COL25A1: variants seen among roughly 807,000 people sequenced by gnomAD.
COL25A1 encodes collagen alpha-1(XXV) chain.
A neutral mutation model predicts 128.4 loss-of-function variants in COL25A1; 103 were observed. The ratio of observed to expected loss-of-function variants is 0.80; its 90% CI spans 0.68 to 0.94. The LOEUF is 0.94. Ranked by LOEUF, COL25A1 falls within the 40% of genes least tolerant of loss-of-function variation. The probability of loss-of-function intolerance (pLI) is 0.00; values close to 1 mark genes in which losing one functional copy is unlikely to be tolerated. For missense variants in COL25A1, 745 were observed against 840.0 expected (o/e 0.89, Z 1.40); for synonymous variants, 279 against 277.2 (o/e 1.01, Z -0.06).
chr4:109,074,485 T>G (rs1763234994), intron 3 of COL25A1, among the ~76,000 whole-genome samples: 1 of 152,228 alleles, frequency 6.6e-6, no homozygotes, highest in African/African-American at 2.4e-5. Context: ...GAAAATGAAA[T>G]GTACAACATT....
At chr4:109,124,758 T>C (rs1768425939) in intron 3 of COL25A1, among the ~76,000 whole-genome samples, 1 of 151,958 alleles carries the variant, frequency 6.6e-6, no homozygotes, top group Admixed American at 6.6e-5. Flanking sequence ...AAACAAAGAA[T>C]TATATAGCCA....
chr4:108,973,199 T>C (rs899746448), intron 8 of COL25A1, among the ~76,000 whole-genome samples: 2 of 152,200 alleles, frequency 1.3e-5, no homozygotes, highest in African/African-American at 4.8e-5. Flanking sequence ...CTTAAGGTTA[T>C]GAGAGTCTTA....
At chr4:109,191,498 C>T (rs1307766583) in intron 3 of COL25A1, among the ~76,000 whole-genome samples, 2 of 152,190 alleles carry the variant, frequency 1.3e-5, no homozygotes, top group Non-Finnish European at 1.5e-5. Context: ...TTTCCAGCCA[C>T]GTTCCCTGAA....
intron 5 of COL25A1, among the ~76,000 whole-genome samples, chr4:109,032,858 G>A (rs953377978): frequency 6.6e-6 from 1 of 152,228 alleles, no homozygotes; most frequent in Non-Finnish European, 1.5e-5. Context: ...CATGCTCGGA[G>A]TCTACTGGGG....
chr4:108,884,543 T>C (rs1560803112), intron 18 of COL25A1, among the ~76,000 whole-genome samples: 1 of 152,154 alleles, frequency 6.6e-6, no homozygotes, highest in Non-Finnish European at 1.5e-5. Context: ...AATGATTCGG[T>C]GGGGAGGCTG....
intron 5 of COL25A1, among the ~76,000 whole-genome samples, chr4:109,012,610 TTAGCACCTGGGCCAGCAGC>T (rs758662377): frequency 5.3e-5 from 8 of 152,118 alleles, no homozygotes; most frequent in Non-Finnish European, 1.0e-4. Flanking sequence ...AGTAAGGGGC[TTAGCACCTGGGCCAGCAGC>T]TGCAGAGGGG....
chr4:109,215,366 CA>C (rs1318014925), intron 3 of COL25A1, among the ~76,000 whole-genome samples: 14 of 152,086 alleles, frequency 9.2e-5, no homozygotes, highest in Non-Finnish European at 1.2e-4. Context: ...ATGTAGCTCA[CA>C]ACAATATTTT....
intron 11 of COL25A1, among the ~76,000 whole-genome samples, chr4:108,936,503 G>A (rs903433373): frequency 2.0e-5 from 3 of 152,116 alleles, no homozygotes; most frequent in African/African-American, 7.2e-5. Context: ...GGAGGTGGTG[G>A]TTGCAGTGAG....
intron 6 of COL25A1, among the ~76,000 whole-genome samples, chr4:109,006,626 T>C (rs1269585608): frequency 6.6e-6 from 1 of 152,156 alleles, no homozygotes; most frequent in African/African-American, 2.4e-5. Context: ...ATGTACAGTT[T>C]ATGCAAATTT....
chr4:109,271,820 T>A (rs1782216789), intron 3 of COL25A1, among the ~76,000 whole-genome samples: 1 of 152,194 alleles, frequency 6.6e-6, no homozygotes, highest in Non-Finnish European at 1.5e-5. Context: ...CACACTAAAC[T>A]TTTTCAAAGA....
At chr4:108,920,099 G>A (rs370436561) in intron 12 of COL25A1, among the ~76,000 whole-genome samples, 41 of 152,162 alleles carry the variant, frequency 2.7e-4, no homozygotes, top group African/African-American at 9.4e-4. Flanking sequence ...TGATGATTGC[G>A]GATAACAATG....
chr4:109,041,334 T>C (rs1759873284), intron 5 of COL25A1, among the ~76,000 whole-genome samples: 1 of 151,884 alleles, frequency 6.6e-6, no homozygotes, highest in Non-Finnish European at 1.5e-5. Flanking sequence ...TTTTCTCTTT[T>C]TACAGACCAC....
intron 3 of COL25A1, among the ~76,000 whole-genome samples, chr4:109,263,401 A>C (rs369200000): frequency 2.6e-4 from 39 of 152,210 alleles, no homozygotes; most frequent in African/African-American, 8.2e-4. Flanking sequence ...TTAGAAAATA[A>C]GAGTTATATG....
At chr4:109,132,657 C>T (rs1769333664) in intron 3 of COL25A1, among the ~76,000 whole-genome samples, 1 of 152,052 alleles carries the variant, frequency 6.6e-6, no homozygotes, top group African/African-American at 2.4e-5. Context: ...TGAGCTTTGA[C>T]ATATTGGAAT....
At chr4:108,925,369 C>T (rs1210641656) in intron 11 of COL25A1, among the ~76,000 whole-genome samples, 1 of 151,874 alleles carries the variant, frequency 6.6e-6, no homozygotes, top group African/African-American at 2.4e-5. Flanking sequence ...GCGGGGCGGT[C>T]ATTTAGTGAA....
intron 37 of COL25A1, among the ~76,000 whole-genome samples, chr4:108,816,306 A>G: frequency 6.6e-6 from 1 of 152,176 alleles, no homozygotes; most frequent in East Asian, 1.9e-4. Context: ...CTAAGGTAAG[A>G]GGCAACTAGG....
At chr4:109,068,701 T>G (rs551268096) in intron 3 of COL25A1, among the ~76,000 whole-genome samples, 1 of 152,324 alleles carries the variant, frequency 6.6e-6, no homozygotes, top group South Asian at 2.1e-4. Flanking sequence ...ATGTGGCAAC[T>G]GTGTGACTCT....
chr4:109,002,101 C>T (rs72670325), intron 6 of COL25A1, among the ~76,000 whole-genome samples: 13 of 152,290 alleles, frequency 8.5e-5, no homozygotes, highest in South Asian at 2.1e-4. Flanking sequence ...TCCTCGTACA[C>T]GGTTGGTAGG....
intron 3 of COL25A1, among the ~76,000 whole-genome samples, chr4:109,218,734 T>C (rs1266609525): frequency 6.6e-6 from 1 of 152,072 alleles, no homozygotes; most frequent in Non-Finnish European, 1.5e-5. Flanking sequence ...TTTGAACACA[T>C]CACATGTCCC....
Sources: gnomAD v4.1 joint callset for allele counts (sites outside exome capture counted in the v4.1 genomes callset) on GRCh38, gnomAD v4.1.1 for gene constraint, MANE v1.5 for transcripts, NCBI Gene and HGNC (gene_info 2026-07-23, HGNC 2026-07-21) for gene names.